The following RANBP2 variants were observed in gnomAD, a reference collection of about 807,000 sequenced individuals.
RANBP2 encodes E3 SUMO-protein ligase RanBP2.
Under a neutral mutation model 303.6 loss-of-function variants are expected in RANBP2, and 57 were observed. That is an observed-to-expected ratio of 0.19 (90% CI 0.15 to 0.23). The LOEUF (loss-of-function observed/expected upper bound fraction) is 0.23. Ranked by LOEUF, RANBP2 falls within the 10% of genes least tolerant of loss-of-function variation. The pLI, the probability that RANBP2 is intolerant of heterozygous loss-of-function variation, is 1.00. For missense variants in RANBP2, 3,138 were observed against 3,780.8 expected, an observed-to-expected ratio of 0.83 and a Z score of 4.46; for synonymous variants, 1,167 against 1,301.5, an observed-to-expected ratio of 0.90 and a Z score of 2.23.
the RANBP2 span, among the ~76,000 whole-genome samples, chr2:109,394,928 C>T: frequency 3.3e-5 from 5 of 152,256 alleles, no homozygotes; most frequent in Non-Finnish European, 5.9e-5. Context: ...GCCGCCGTCC[C>T]GCACAGGCAC....
At chr2:109,645,780 C>A in the RANBP2 span, among the ~76,000 whole-genome samples, 1 of 152,180 alleles carries the variant, frequency 6.6e-6, no homozygotes, top group Non-Finnish European at 1.5e-5. Context: ...AGGTTAGAAT[C>A]TGTGAACATA....
chr2:109,505,043 A>G, the RANBP2 span, among the ~76,000 whole-genome samples: 6 of 152,164 alleles, frequency 3.9e-5, no homozygotes, highest in African/African-American at 1.2e-4. Context: ...AGTGCCTGGT[A>G]TTAACCTCGG....
chr2:109,288,638 C>A, the RANBP2 span, among the ~76,000 whole-genome samples: 1 of 152,160 alleles, frequency 6.6e-6, no homozygotes, highest in African/African-American at 2.4e-5. Flanking sequence ...TCATTGTCAC[C>A]CAAGGAGACT....
the RANBP2 span, among the ~76,000 whole-genome samples, chr2:109,241,419 G>A: frequency 6.6e-6 from 1 of 152,096 alleles, no homozygotes; most frequent in Non-Finnish European, 1.5e-5. Context: ...TGCATTGGGG[G>A]AAAAAATGGC....
the RANBP2 span, among the ~76,000 whole-genome samples, chr2:109,471,227 A>AG: frequency 6.6e-6 from 1 of 151,776 alleles, no homozygotes; most frequent in East Asian, 1.9e-4. Flanking sequence ...AAAAAAAAAA[A>AG]AAAAGAAATT....
At chr2:109,348,034 A>G in the RANBP2 span, 18 of 1,482,336 alleles carry the variant, frequency 1.2e-5, no homozygotes, top group Admixed American at 1.9e-4. Flanking sequence ...ACCTATAGCC[A>G]GACAGTCTTT....
the RANBP2 span, among the ~76,000 whole-genome samples, chr2:109,144,910 G>A: frequency 6.6e-6 from 1 of 152,224 alleles, no homozygotes; most frequent in Non-Finnish European, 1.5e-5. Context: ...GGGTGCTGGG[G>A]CGGTGTGGAC....
intron 18 of RANBP2, among the ~76,000 whole-genome samples, chr2:108,758,879 C>T (rs1676522126): frequency 6.6e-6 from 1 of 151,638 alleles, no homozygotes; most frequent in African/African-American, 2.4e-5. Flanking sequence ...TAAGAACCTA[C>T]ACCTCTGGGG....
the RANBP2 span, among the ~76,000 whole-genome samples, chr2:108,886,427 T>G: frequency 6.6e-6 from 1 of 152,182 alleles, no homozygotes; most frequent in Admixed American, 6.5e-5. Flanking sequence ...TTTATTTATT[T>G]TTTTTGAGAC....
chr2:109,615,094 G>T, the RANBP2 span: 3 of 1,549,526 alleles, frequency 1.9e-6, no homozygotes, highest in African/African-American at 1.4e-5. Context: ...AGGCCGGCCC[G>T]CCAGAACCTC....
At chr2:109,626,673 C>T in the RANBP2 span, among the ~76,000 whole-genome samples, 1 of 152,164 alleles carries the variant, frequency 6.6e-6, no homozygotes, top group Non-Finnish European at 1.5e-5. Flanking sequence ...GCCCAGGGCC[C>T]CCTTCCAGAA....
At chr2:109,367,119 ATTTTTTT>A in the RANBP2 span, among the ~76,000 whole-genome samples, 4 of 113,290 alleles carry the variant, frequency 3.5e-5, no homozygotes, top group African/African-American at 1.0e-4. Flanking sequence ...TGCCCTGGTA[ATTTTTTT>A]TTTTTTTTTT....
At chr2:108,838,297 G>A in the RANBP2 span, among the ~76,000 whole-genome samples, 3 of 152,060 alleles carry the variant, frequency 2.0e-5, no homozygotes, top group African/African-American at 4.8e-5. Flanking sequence ...TTTTTAAGAC[G>A]TCCAAAACAT....
the RANBP2 span, among the ~76,000 whole-genome samples, chr2:108,880,077 A>G: frequency 6.6e-6 from 1 of 152,176 alleles, no homozygotes. Context: ...CCAAAGCAAA[A>G]GAAAACATTT....
chr2:108,738,127 G>C (rs1695766619), intron 6 of RANBP2, among the ~76,000 whole-genome samples: 2 of 151,640 alleles, frequency 1.3e-5, no homozygotes, highest in Admixed American at 6.6e-5. Context: ...CCAGGCTGGA[G>C]TGCGGTGGCG....
At chr2:109,266,467 T>C in the RANBP2 span, among the ~76,000 whole-genome samples, 1 of 151,358 alleles carries the variant, frequency 6.6e-6, no homozygotes, top group Non-Finnish European at 1.5e-5. Flanking sequence ...TGTTTGGGAG[T>C]GGTCCCAGAA....
In RANBP2 at chr2:108,763,590, A is replaced by G. The variant is rs145807817; in HGVS notation, c.3051A>G (p.Pro1017=). The G allele has an allele frequency of 4.3e-6, 7 of 1,614,028 alleles. No individual in the cohort carries two copies. The African/African-American group carries it at 5.3e-5, about 12-fold the overall frequency. ...VQPMPGEGLR[P]SLPTQAHTTQ... The stretch of plus-strand genomic sequence containing the variant: ...CCATGCCGGGTGAAGGATTAAGGCC[A>G]TCTTTGCCAACACAAGCACACACAA... Residue 1017 remains proline (P), a synonymous_variant, in exon 20 of 29, where the codon CCA becomes CCG. Coordinates refer to ENST00000283195, the MANE Select transcript of RANBP2 (RefSeq NM_006267.5).
the RANBP2 span, among the ~76,000 whole-genome samples, chr2:109,486,782 C>T: frequency 6.6e-6 from 1 of 152,166 alleles, no homozygotes; most frequent in Non-Finnish European, 1.5e-5. Context: ...GGAGGGCCTT[C>T]CAGAAGAGAG....
the RANBP2 span, among the ~76,000 whole-genome samples, chr2:109,396,456 C>T: frequency 1.3e-5 from 2 of 152,208 alleles, no homozygotes; most frequent in African/African-American, 4.8e-5. Context: ...GCAGCTGGAA[C>T]CTGCAGCCAC....
Sources: allele counts gnomAD v4.1 joint callset (sites outside exome capture counted in the v4.1 genomes callset), GRCh38; gene constraint gnomAD v4.1.1; transcripts MANE v1.5; gene names NCBI Gene and HGNC (gene_info 2026-07-23, HGNC 2026-07-21).